Variants in ZNF107 observed in about 807,000 individuals in gnomAD.
ZNF107 encodes zinc finger protein 107, also known as C2H2 type zinc-finger protein.
In ZNF107, 19 loss-of-function variants were observed where a neutral mutation model predicts 12.3. The observed-to-expected ratio is 1.55, with a 90% CI of 1.08 to 2.27. ZNF107 has a LOEUF of 2.27. Among genes scored for constraint, ZNF107 ranks in the 30% most tolerant of loss-of-function variants. The pLI, the probability that ZNF107 is intolerant of heterozygous loss-of-function variation, is 0.00. For missense variants in ZNF107, 958 were observed against 979.9 expected (o/e 0.98, Z 0.30); for synonymous variants, 317 against 330.5 (o/e 0.96, Z 0.44).
rs1790647943 is a variant in ZNF107, at chr7:64,706,494, G to C, written c.397G>C (p.Val133Leu). 7 of 1,611,986 alleles carry C rather than the reference G, an allele frequency of 4.3e-6. No individual in the cohort carries two copies. Among genetic ancestry groups the C allele is most frequent in the Admixed American group, 3.3e-5 (2 of 59,836 alleles). ...GGGGCACAAAGGAGGTCATAATACA[G>C]TTAACCAATGTTTGACAGCTACCCC... is the stretch of plus-strand genomic sequence containing the variant. The part of the protein sequence containing the change: ...CTGHKGGHNT[V>L]NQCLTATPSK... The change falls in exon 4 of 4, where the codon GTT becomes CTT. Residue 133 changes from valine to leucine, a missense_variant. By Grantham distance (32) the Val-to-Leu change is conservative. Transcript: ENST00000620827.
chr7:64,687,787 A>T (rs1484226754), intron 1 of ZNF107, among the ~76,000 whole-genome samples: 4 of 152,204 alleles, frequency 2.6e-5, no homozygotes, highest in African/African-American at 9.7e-5. Flanking sequence ...TGCATGTCAC[A>T]TTCTGGTTGA....
Position 64,708,623 on chromosome 7 carries a change from GAA to G in ZNF107, c.2528_2529del (p.Lys843ThrfsTer5). On this transcript the variant is annotated frameshift_variant, in exon 4 of 4. Coordinates refer to ENST00000620827, the MANE Select transcript of ZNF107 (RefSeq NM_001282359.2). LOFTEE classifies it low-confidence loss of function (END_TRUNC). ...CACATAAGAAAATTCATACTGGAGA[GAA>G]ACCCTACAAATGTGAGTATGGCAAA... ...TTHKKIHTGEKPYKCEYGKT is the reference protein window; with the variant it reads ...TTHKKIHTGEXPYKCEYGKT The G allele has an allele frequency of 6.3e-7, 1 of 1,592,450 alleles. No homozygotes were observed. The highest frequency in any genetic ancestry group is 8.6e-7 in the Non-Finnish European group (1 of 1,167,742).
intron 1 of ZNF107, among the ~76,000 whole-genome samples, chr7:64,668,444 G>A (rs1416793841): frequency 6.7e-6 from 1 of 149,984 alleles, no homozygotes; most frequent in Non-Finnish European, 1.5e-5. Context: ...ATGGTTTCCA[G>A]CTTTATCCAT....
At chr7:64,686,452 G>T (rs1789915536) in intron 1 of ZNF107, 5 of 944,982 alleles carry the variant, frequency 5.3e-6, no homozygotes, top group South Asian at 4.9e-5. Context: ...CCCACCCCAA[G>T]ATCTCTCTCC....
rs977467306 is a variant in ZNF107 at position 64,709,555 on chromosome 7, C to G, written c.*899C>G. 2.6e-6 allele frequency: 1 copy of G among 382,374 alleles called. No individual in the cohort carries two copies. The highest frequency in any genetic ancestry group is 5.0e-6 in the Non-Finnish European group (1 of 199,192). The allele number at this position is 382,374 out of a possible 1,614,324, so 23.7% of individuals were successfully genotyped here. On this transcript the variant is annotated 3_prime_UTR_variant, in exon 4 of 4. Transcript: ENST00000620827. ...TAGAAATGTGAAAAATATCACAAAG[C>G]CTTTAAATGGTTGTCACACTTGATT... is the stretch of plus-strand genomic sequence containing the variant.
intron 1 of ZNF107, among the ~76,000 whole-genome samples, chr7:64,680,963 A>G (rs561848859): frequency 6.6e-6 from 1 of 152,306 alleles, no homozygotes; most frequent in East Asian, 1.9e-4. Flanking sequence ...TTCAAGTGCC[A>G]TAAAAATAGT....
At position 64,706,597 on chromosome 7, in the gene ZNF107, A is replaced by C; in HGVS notation, c.500A>C (p.His167Pro). ...AATTCAAATAGATATAAGAGAAGAC[A>C]TACAGGAAACAAACACTTCAAATGT... ...FSNSNRYKRR[H>P]TGNKHFKCKE... The change falls in exon 4 of 4, where the codon CAT (histidine) becomes CCT (proline). Residue 167 changes from histidine to proline, a missense_variant. Coordinates refer to ENST00000620827, the MANE Select transcript of ZNF107 (RefSeq NM_001282359.2). The C allele has an allele frequency of 6.2e-7, 1 of 1,612,928 alleles. No homozygotes were observed. The highest frequency in any genetic ancestry group is 1.1e-5 in the South Asian group (1 of 90,812).
At position 64,679,236 on chromosome 7, in the gene ZNF107, C is replaced by T. The variant is rs1487081214; in HGVS notation, c.4-12012C>T. 12 of 985,010 alleles carry T rather than the reference C, an allele frequency of 1.2e-5. No individual in the cohort carries two copies. The South Asian group carries it at 1.9e-4, about 15-fold the overall frequency. The allele number at this position is 985,010 out of a possible 1,614,324, so 61.0% of individuals were successfully genotyped here. ...GGGATAGGGGAACTCCTTTGGGAGT[C>T]GTGTCCCTTAACCCCTTCCCCCGAC... On this transcript the variant is annotated intron_variant, in intron 1 of 3. Coordinates refer to ENST00000620827, the MANE Select transcript of ZNF107 (RefSeq NM_001282359.2).
chr7:64,683,713 C>T (rs995159283), intron 1 of ZNF107, among the ~76,000 whole-genome samples: 1 of 152,178 alleles, frequency 6.6e-6, no homozygotes, highest in African/African-American at 2.4e-5. Context: ...TAAACAATCA[C>T]TTCTTAATGT....
At chr7:64,682,931 C>A (rs1165867673) in intron 1 of ZNF107, among the ~76,000 whole-genome samples, 1 of 152,212 alleles carries the variant, frequency 6.6e-6, no homozygotes, top group African/African-American at 2.4e-5. Flanking sequence ...CCTTAATACA[C>A]ATGGCATCCT....
chr7:64,706,753 A>G lies in ZNF107; in HGVS notation c.656A>G (p.His219Arg), dbSNP rs1215061795. 18 of 1,613,048 alleles carry G rather than the reference A, an allele frequency of 1.1e-5. No individual in the cohort carries two copies. Among genetic ancestry groups the G allele is most frequent in the Middle Eastern group, 1.6e-4 (1 of 6,072 alleles). The change falls in exon 4 of 4, where the codon CAT (histidine) becomes CGT (arginine). Residue 219 changes from histidine to arginine, a missense_variant. By Grantham distance (29) the His-to-Arg change is conservative. Transcript: ENST00000620827. ...AFNWFSTLTK[H>R]KRIHTGEKPY... ...AACTGGTTCTCAACTCTTACTAAAC[A>G]TAAGAGAATTCATACTGGAGAAAAG...
intron 1 of ZNF107, among the ~76,000 whole-genome samples, chr7:64,683,050 A>G (rs930328214): frequency 6.6e-6 from 1 of 152,168 alleles, no homozygotes; most frequent in Non-Finnish European, 1.5e-5. Flanking sequence ...AAGGCAGGTT[A>G]TGCTATTTGT....
chr7:64,700,600 C>T (rs767150129), intron 3 of ZNF107, among the ~76,000 whole-genome samples: 13 of 125,392 alleles, frequency 1.0e-4, no homozygotes, highest in Non-Finnish European at 2.0e-4. Context: ...AGTGCAGTGG[C>T]GTGATCCCAG....
At chr7:64,700,848 C>A (rs1348688519) in intron 3 of ZNF107, among the ~76,000 whole-genome samples, 1 of 151,680 alleles carries the variant, frequency 6.6e-6, no homozygotes, top group African/African-American at 2.4e-5. Flanking sequence ...CCATTTTTTT[C>A]TTTATAAGTT....
At chr7:64,703,772 T>A (rs1790550407) in intron 3 of ZNF107, among the ~76,000 whole-genome samples, 1 of 152,022 alleles carries the variant, frequency 6.6e-6, no homozygotes, top group South Asian at 2.1e-4. Flanking sequence ...ATAAAGTGAA[T>A]TATATATATA....
In ZNF107 at chr7:64,708,559, A is replaced by T; in HGVS notation, c.2462A>T (p.Asp821Val). The T allele has an allele frequency of 6.2e-7, 1 of 1,612,954 alleles. No homozygotes were observed. Among genetic ancestry groups the T allele is most frequent in the Non-Finnish European group, 8.5e-7 (1 of 1,179,408 alleles). Residue 821 changes from aspartate (D) to valine (V), a missense_variant, in exon 4 of 4, where the codon GAT (aspartate) becomes GTT (valine). By Grantham distance (152) the Asp-to-Val change is radical. Coordinates refer to ENST00000620827, the MANE Select transcript of ZNF107 (RefSeq NM_001282359.2). ...GGAGAGAAACCCTACAAATGTGGAGATTATGGCAGAGCTTTCAACCTATCC... is the reference window on the plus strand; with the variant it reads ...GGAGAGAAACCCTACAAATGTGGAGTTTATGGCAGAGCTTTCAACCTATCC... ...HTGEKPYKCG[D>V]YGRAFNLSSN...
Position 64,707,396 on chromosome 7 carries a change from T to C in ZNF107, c.1299T>C (p.Ala433=), listed in dbSNP as rs752223470. Residue 433 remains alanine (A), a synonymous_variant, in exon 4 of 4, where the codon GCT becomes GCC. Coordinates refer to ENST00000620827, the MANE Select transcript of ZNF107 (RefSeq NM_001282359.2). Reference sequence around the variant, plus strand: ...ACAAATGTAAAGAATGTGGCAAAGCTTTTAACCAATCTTCAAACCTTACTG... The same window carrying C: ...ACAAATGTAAAGAATGTGGCAAAGCCTTTAACCAATCTTCAAACCTTACTG... ...KPYKCKECGK[A]FNQSSNLTEH... is the part of the protein sequence containing the mutation. 6 of 1,613,336 alleles carry C rather than the reference T, an allele frequency of 3.7e-6. No homozygotes were observed. The Admixed American group carries it at 1.0e-4, about 27-fold the overall frequency.
rs567229986 is a variant in ZNF107 at position 64,691,249 on chromosome 7, A to G, written c.5A>G (p.Glu2Gly). 53 of 1,499,796 alleles carry G rather than the reference A, an allele frequency of 3.5e-5. No homozygotes were observed. Among genetic ancestry groups the G allele is most frequent in the Admixed American group, 1.5e-4 (7 of 45,632 alleles). 92.9% of individuals were successfully genotyped at this position (1,499,796 alleles called of 1,614,324 possible). ...TGTGTGTGTGTTTGTGTTTTTCAGG[A>G]ACCACTGACATTTAAAGATGTCGCC... M[E>G]PLTFKDVAIE... Residue 2 changes from glutamate to glycine, a missense_variant and splice_region_variant, in exon 2 of 4, where the codon GAA becomes GGA. Glu to Gly is a moderately conservative substitution (Grantham distance 98). Transcript: ENST00000620827.
chr7:64,700,223 C>T (rs1022255406), intron 3 of ZNF107, among the ~76,000 whole-genome samples: 3 of 152,106 alleles, frequency 2.0e-5, no homozygotes. Context: ...AACCTGGTGG[C>T]AGGTATTTGG....
Sources: allele counts gnomAD v4.1 joint callset (sites outside exome capture counted in the v4.1 genomes callset), GRCh38; gene constraint gnomAD v4.1.1; transcripts MANE v1.5; gene names NCBI Gene and HGNC (gene_info 2026-07-23, HGNC 2026-07-21).